The following SLC4A3 variants were observed in gnomAD, a reference collection of about 807,000 sequenced individuals.
SLC4A3 encodes the protein solute carrier family 4 member 3, also known as anion exchange protein 3.
SLC4A3 carries 47 observed loss-of-function variants against 114.2 expected under a neutral mutation model. That is an observed-to-expected ratio of 0.41 (90% CI 0.33 to 0.52). The LOEUF is 0.52. Ranked by LOEUF, SLC4A3 falls within the 20% of genes least tolerant of loss-of-function variation. SLC4A3 has a pLI of 0.21. For synonymous variants in SLC4A3, 693 were observed against 710.3 expected, an observed-to-expected ratio of 0.98 and a Z score of 0.39; for missense variants, 1,312 against 1,668.3, an observed-to-expected ratio of 0.79 and a Z score of 3.72.
chr2:219,640,394 T>G (rs773966139), intron 20 of SLC4A3, 36 bp from the exon 21 acceptor site: 20 of 1,593,094 alleles, frequency 1.3e-5, no homozygotes, highest in Non-Finnish European at 1.6e-5. Context: ...ACGGGGGCTG[T>G]CTGAGGGTCA....
rs756071992 is a variant in SLC4A3 at position 219,633,386 on chromosome 2, G to T, written c.1390G>T (p.Ala464Ser). ...HPTPSHGPDG[A>S]VPTMADDLGE... is the part of the protein sequence containing the mutation. Reference sequence around the variant, plus strand: ...AACTCCCAGCCATGGCCCTGATGGGGCGGTGCCTACCATGGCTGATGACCT... The same window carrying T: ...AACTCCCAGCCATGGCCCTGATGGGTCGGTGCCTACCATGGCTGATGACCT... The change falls in exon 10 of 23, where the codon GCG (alanine) becomes TCG (serine). Residue 464 changes from alanine to serine, a missense_variant. By Grantham distance (99) the Ala-to-Ser change is moderately conservative. Around this residue, in one of 4 missense-constraint regions of SLC4A3, gnomAD observed 771 missense variants for 977.7 expected, o/e 0.79. Transcript: ENST00000358055. 3 of 1,600,882 alleles carry T rather than the reference G, an allele frequency of 1.9e-6. No homozygotes were observed. The highest frequency in any genetic ancestry group is 2.6e-6 in the Non-Finnish European group (3 of 1,172,404).
Position 219,632,135 on chromosome 2 carries a change from T to A in SLC4A3, c.960+19T>A, listed in dbSNP as rs1286642573. ...TCATGAGGTCAGGATGCTGACTGGG[T>A]GGGCCTGTGGCTTCCTCATGCCCCT... On this transcript the variant is annotated intron_variant, in intron 7 of 22. Transcript: ENST00000358055. 1 of 1,610,868 alleles carries A rather than the reference T, an allele frequency of 6.2e-7. No homozygotes were observed. The highest frequency in any genetic ancestry group is 1.7e-5 in the Admixed American group (1 of 59,630).
At position 219,631,170 on chromosome 2, in the gene SLC4A3, GC is replaced by G; in HGVS notation, c.812-797del. The G allele has an allele frequency of 8.4e-7, 1 of 1,188,452 alleles. No homozygotes were observed. Among genetic ancestry groups the G allele is most frequent in the Non-Finnish European group, 1.1e-6 (1 of 931,996 alleles). 73.6% of individuals were successfully genotyped at this position (1,188,452 alleles called of 1,614,324 possible). A position where few individuals can be genotyped will look rare whatever the true frequency, so the allele number is the denominator to read the frequency against. ...GTTGGACAGAAGCCACCCCGTCCAG[GC>G]TCCCACCTTGTAGGAGAGCCGAGGG... On this transcript the variant is annotated intron_variant, in intron 6 of 22. Coordinates refer to ENST00000358055, the MANE Select transcript of SLC4A3 (RefSeq NM_005070.4). The surrounding 1 kb of genome is among the most constrained non-coding windows in gnomAD (Gnocchi z 6.3).
Position 219,634,104 on chromosome 2 carries a change from C to T in SLC4A3, c.1561+125C>T, listed in dbSNP as rs1208509821. 13 of 1,136,294 alleles carry T rather than the reference C, an allele frequency of 1.1e-5. 1 individual carries two copies. In the Admixed American group the frequency reaches 2.4e-4, roughly 21 times the overall value. 70.4% of individuals were successfully genotyped at this position (1,136,294 alleles called of 1,614,324 possible). Reference sequence around the variant, plus strand: ...TCTCCCTCCAGGCTCCCACCTGGTCCCTGCTCTTCCTCACAACCTGTCTTA... The same window carrying T: ...TCTCCCTCCAGGCTCCCACCTGGTCTCTGCTCTTCCTCACAACCTGTCTTA... On this transcript the variant is annotated intron_variant, in intron 11 of 22. Coordinates refer to ENST00000358055, the MANE Select transcript of SLC4A3 (RefSeq NM_005070.4).
Position 219,630,457 on chromosome 2 carries a change from C to T in SLC4A3, c.811+105C>T. The T allele has an allele frequency of 3.3e-6, 4 of 1,212,000 alleles. No individual in the cohort carries two copies. The highest frequency in any genetic ancestry group is 4.5e-6 in the Non-Finnish European group (4 of 883,890). The allele number at this position is 1,212,000 out of a possible 1,614,324, so 75.1% of individuals were successfully genotyped here. ...GCTGTCCCCTGCTAAGGGCTGAGTCCTCTCTGAATCCCTGTCTGCTGGGAT... is the reference window on the plus strand; with the variant it reads ...GCTGTCCCCTGCTAAGGGCTGAGTCTTCTCTGAATCCCTGTCTGCTGGGAT... On this transcript the variant is annotated intron_variant, in intron 6 of 22. Coordinates refer to ENST00000358055, the MANE Select transcript of SLC4A3 (RefSeq NM_005070.4). This position sits in a 1 kb window ranked among gnomAD's most constrained non-coding sequence, Gnocchi z 6.9.
In SLC4A3 at chr2:219,637,807, G is replaced by A; in HGVS notation, c.2762G>A (p.Gly921Asp). The change falls in exon 17 of 23, where the codon GGC (glycine) becomes GAC (aspartate). Residue 921 changes from glycine to aspartate, a missense_variant. By Grantham distance (94) the Gly-to-Asp change is moderately conservative. This residue lies in a region of SLC4A3 where 301 missense variants were observed against 460.7 expected (regional missense o/e 0.65). Transcript: ENST00000358055. This position sits in a 1 kb window ranked among gnomAD's most constrained non-coding sequence, Gnocchi z 4.6. ...TTCAGGAACAGCCGCTTCCTGGGGGGCAAGGTGCGTGGCTGCTGGGTGTGG... is the reference window on the plus strand; with the variant it reads ...TTCAGGAACAGCCGCTTCCTGGGGGACAAGGTGCGTGGCTGCTGGGTGTGG... ...RKFRNSRFLG[G>D]KARRIIGDFG... 6.2e-7 allele frequency: 1 copy of A among 1,611,966 alleles called. No homozygotes were observed. Among genetic ancestry groups the A allele is most frequent in the Admixed American group, 1.7e-5 (1 of 59,998 alleles).
chr2:219,629,704 T>C lies in SLC4A3; in HGVS notation c.611+9T>C, dbSNP rs752841727. 6.3e-7 allele frequency: 1 copy of C among 1,588,334 alleles called. No individual in the cohort carries two copies. The highest frequency in any genetic ancestry group is 8.6e-7 in the Non-Finnish European group (1 of 1,159,634). On this transcript the variant is annotated intron_variant, in intron 5 of 22. Transcript: ENST00000358055. ...CCCCAGCACTCCAGCAGGTACTGGCTGCAGCCTCTACTCAGCAGGGCCCAG... is the reference window on the plus strand; with the variant it reads ...CCCCAGCACTCCAGCAGGTACTGGCCGCAGCCTCTACTCAGCAGGGCCCAG...
Position 219,628,893 on chromosome 2 carries a change from C to T in SLC4A3, c.218-251C>T, listed in dbSNP as rs1208521157. ...CTCGGCTAGTCCAACTCCGCCTTTC[C>T]CCTCCTTGCTGTATCACGTCTCCCC... On this transcript the variant is annotated intron_variant, in intron 3 of 22. Transcript: ENST00000358055. The surrounding 1 kb of genome is among the most constrained non-coding windows in gnomAD (Gnocchi z 4.8). The T allele has an allele frequency of 1.4e-5, 8 of 588,304 alleles. No individual in the cohort carries two copies. Among genetic ancestry groups the T allele is most frequent in the Non-Finnish European group, 2.4e-5 (8 of 338,574 alleles). The allele number at this position is 588,304 out of a possible 1,614,324, so 36.4% of individuals were successfully genotyped here.
In SLC4A3 at chr2:219,634,594, TGTCTGACAAGGTTG is replaced by T; in HGVS notation, c.1738_1746+5del. 6.2e-7 allele frequency: 1 copy of T among 1,614,140 alleles called. No individual in the cohort carries two copies. On this transcript the variant is annotated splice_donor_variant and splice_donor_region_variant and coding_sequence_variant and intron_variant, in exon 12 of 23. Coordinates refer to ENST00000358055, the MANE Select transcript of SLC4A3 (RefSeq NM_005070.4). LOFTEE classifies it high-confidence loss of function. The stretch of plus-strand genomic sequence containing the variant: ...CTTGGGCGCTCCATTGCCACCCTTA[TGTCTGACAAGGTTG>T]GGCGCGTGCTGGCTCTCAAGGCCTC...
At chr2:219,634,297 C>T (rs1382842306) in intron 11 of SLC4A3, 123 bp from the exon 12 acceptor site, 12 of 928,540 alleles carry the variant, frequency 1.3e-5, no homozygotes, top group Non-Finnish European at 2.0e-5. Flanking sequence ...CCCTTTTAGA[C>T]TGGGGTTTCT....
Position 219,629,332 on chromosome 2 carries a change from G to A in SLC4A3, c.406G>A (p.Glu136Lys), listed in dbSNP as rs1698834577. Residue 136 changes from glutamate to lysine, a missense_variant, in exon 4 of 23, where the codon GAG becomes AAG. By Grantham distance (56) the Glu-to-Lys change is moderately conservative. Transcript: ENST00000358055. ...IQEEGGAGVD[E>K]EEEEEEEEEG... Reference sequence around the variant, plus strand: ...GGAGGAGGGGGGAGCTGGAGTGGATGAGGAAGAGGAGGAAGAGGAGGAAGA... The same window carrying A: ...GGAGGAGGGGGGAGCTGGAGTGGATAAGGAAGAGGAGGAAGAGGAGGAAGA... 1.2e-6 allele frequency: 2 copies of A among 1,601,342 alleles called. No individual in the cohort carries two copies. The highest frequency in any genetic ancestry group is 1.7e-5 in the Admixed American group (1 of 58,250).
In SLC4A3 at chr2:219,632,352, G is replaced by A. The variant is rs753981363; in HGVS notation, c.1051G>A (p.Val351Met). ...CCGCTGGATCAAGTTTGAGGAGGAC[G>A]TGGAGGAGGAGACGGAGCGCTGGGG... ...TARWIKFEED[V>M]EEETERWGKP... Residue 351 changes from valine (V) to methionine (M), a missense_variant, in exon 8 of 23, where the codon GTG becomes ATG. Transcript: ENST00000358055. 2.4e-5 allele frequency: 38 copies of A among 1,613,994 alleles called. No individual in the cohort carries two copies. The highest frequency in any genetic ancestry group is 1.7e-4 in the Middle Eastern group (1 of 6,054).
At chr2:219,633,628 G>T (rs2289782) in intron 10 of SLC4A3, among the ~76,000 whole-genome samples, 171 bp downstream of exon 10, 1 of 152,178 alleles carries the variant, frequency 6.6e-6, no homozygotes, top group Non-Finnish European at 1.5e-5. Flanking sequence ...CTGAGACGCA[G>T]GAGTTTTGAA....
At position 219,638,132 on chromosome 2, in the gene SLC4A3, T is replaced by C. The variant is rs776238689; in HGVS notation, c.2767-32T>C. ...TAGTCTGCTGACCTTGCCTCCACCT[T>C]TTGCTCCCTTCCCCAACTGGCCCCT... On this transcript the variant is annotated intron_variant, in intron 17 of 22. Coordinates refer to ENST00000358055, the MANE Select transcript of SLC4A3 (RefSeq NM_005070.4). The surrounding 1 kb of genome is among the most constrained non-coding windows in gnomAD (Gnocchi z 7.5). 4 of 1,562,916 alleles carry C rather than the reference T, an allele frequency of 2.6e-6. No individual in the cohort carries two copies. Among genetic ancestry groups the C allele is most frequent in the Non-Finnish European group, 3.5e-6 (4 of 1,141,142 alleles).
In SLC4A3 at chr2:219,635,689, G is replaced by A; in HGVS notation, c.1989G>A (p.Leu663=). 6.3e-7 allele frequency: 1 copy of A among 1,587,424 alleles called. No homozygotes were observed. Among genetic ancestry groups the A allele is most frequent in the Non-Finnish European group, 8.6e-7 (1 of 1,169,556 alleles). The part of the protein sequence containing the change: ...TAPGKELSLE[L]GGSEATPEDD... ...TTCCCCCAGAACTGTCTTTGGAGTTGGGGGGCTCTGAGGCAACCCCTGAAG... is the reference window on the plus strand; with the variant it reads ...TTCCCCCAGAACTGTCTTTGGAGTTAGGGGGCTCTGAGGCAACCCCTGAAG... Residue 663 remains leucine (L), a synonymous_variant, in exon 14 of 23, where the codon TTG becomes TTA. Transcript: ENST00000358055.
In SLC4A3 at chr2:219,630,366, T is replaced by G. The variant is rs765839767; in HGVS notation, c.811+14T>G. On this transcript the variant is annotated intron_variant, in intron 6 of 22. Coordinates refer to ENST00000358055, the MANE Select transcript of SLC4A3 (RefSeq NM_005070.4). The surrounding 1 kb of genome is among the most constrained non-coding windows in gnomAD (Gnocchi z 6.9). The stretch of plus-strand genomic sequence containing the variant: ...ACGACATGAAGAGTGAGTGAGACCT[T>G]GTGGCAGCCCCCATGGTCCACTGCG... 5 of 1,585,400 alleles carry G rather than the reference T, an allele frequency of 3.2e-6. No homozygotes were observed. Among genetic ancestry groups the G allele is most frequent in the Non-Finnish European group, 4.3e-6 (5 of 1,165,598 alleles).
chr2:219,627,787 G>C (rs1698766083), intron 1 of SLC4A3, 42 bp downstream of exon 1: 1 of 423,992 alleles, frequency 2.4e-6, no homozygotes. Flanking sequence ...GGGGGACCCG[G>C]GCTGTCCCGG....
rs776425600 is a variant in SLC4A3 at position 219,632,105 on chromosome 2, A to C, written c.949A>C (p.Arg317=). 2.5e-6 allele frequency: 4 copies of C among 1,613,380 alleles called. No individual in the cohort carries two copies. The South Asian group carries it at 4.4e-5, about 18-fold the overall frequency. ...RKKKKKKLDR[R]PHEVFVELNE... ...GAAGAAGAAGAAAAAGCTGGACCGG[A>C]GGCCTCATGAGGTCAGGATGCTGAC... Residue 317 remains arginine (R), a synonymous_variant, in exon 7 of 23, where the codon AGG becomes CGG. Transcript: ENST00000358055.
Position 219,635,454 on chromosome 2 carries a change from G to C in SLC4A3, c.1930G>C (p.Val644Leu). The part of the protein sequence containing the change: ...RKRREREQTK[V>L]EMTTRGGYTA... ...GCGGCGAGAGCGTGAACAGACCAAA[G>C]TCGAGATGACCACACGGGGTGGCTA... is the stretch of plus-strand genomic sequence containing the variant. The change falls in exon 13 of 23, where the codon GTC (valine) becomes CTC (leucine). Residue 644 changes from valine to leucine, a missense_variant. Val to Leu is a conservative substitution (Grantham distance 32). Coordinates refer to ENST00000358055, the MANE Select transcript of SLC4A3 (RefSeq NM_005070.4). 1 of 1,613,966 alleles carries C rather than the reference G, an allele frequency of 6.2e-7. No individual in the cohort carries two copies. The highest frequency in any genetic ancestry group is 8.5e-7 in the Non-Finnish European group (1 of 1,179,922).
Sources: allele counts gnomAD v4.1 joint callset (sites outside exome capture counted in the v4.1 genomes callset), GRCh38; gene constraint gnomAD v4.1.1; regional missense constraint gnomAD v4.1.1; non-coding constraint Gnocchi (gnomAD v3.1); transcripts MANE v1.5; gene names NCBI Gene and HGNC (gene_info 2026-07-23, HGNC 2026-07-21).